Variants in RBFOX1 observed in about 807,000 individuals in gnomAD.
RBFOX1 encodes the protein RNA binding fox-1 homolog 1.
In RBFOX1, 8 loss-of-function variants were observed where a neutral mutation model predicts 57.7. The observed-to-expected ratio is 0.14, with a 90% CI of 0.08 to 0.25. The LOEUF is 0.25. Among genes scored for constraint, RBFOX1 ranks in the 10% least tolerant of loss-of-function variants. The pLI is 1.00. For missense variants in RBFOX1, 611 were observed against 548.5 expected, an observed-to-expected ratio of 1.11 and a Z score of -1.14; for synonymous variants, 326 against 222.4, an observed-to-expected ratio of 1.47 and a Z score of -4.15.
intron 1 of RBFOX1, among the ~76,000 whole-genome samples, chr16:6,102,023 A>T (rs1383755358): frequency 1.3e-5 from 2 of 151,160 alleles, no homozygotes; most frequent in African/African-American, 2.4e-5. Flanking sequence ...AATAATTAAA[A>T]CCCAAAATGG....
intron 2 of RBFOX1, among the ~76,000 whole-genome samples, chr16:5,548,530 G>C (rs1016621347): frequency 2.6e-5 from 4 of 151,942 alleles, no homozygotes; most frequent in Admixed American, 6.6e-5. Context: ...GTAACTCAGA[G>C]GATAAATGCT....
chr16:6,876,414 G>A (rs1937034153), intron 3 of RBFOX1, among the ~76,000 whole-genome samples: 1 of 108,984 alleles, frequency 9.2e-6, no homozygotes, highest in Non-Finnish European at 1.8e-5. Context: ...AAGTAAATTA[G>A]CTGAAACAAA....
chr16:7,162,718 G>C (rs116837624), intron 4 of RBFOX1, among the ~76,000 whole-genome samples: 1,944 of 152,196 alleles, frequency 0.013, 47 homozygotes, highest in African/African-American at 0.045. Flanking sequence ...AACAGAGTGA[G>C]ACCGTAGCTC....
At chr16:5,539,631 A>T (rs192668179) in intron 2 of RBFOX1, among the ~76,000 whole-genome samples, 1 of 151,464 alleles carries the variant, frequency 6.6e-6, no homozygotes, top group African/African-American at 2.4e-5. Context: ...AAACAAAATG[A>T]CAACAACAAC....
At chr16:6,630,946 G>T (rs1253108985) in intron 2 of RBFOX1, among the ~76,000 whole-genome samples, 1 of 152,066 alleles carries the variant, frequency 6.6e-6, no homozygotes, top group Admixed American at 6.6e-5. Context: ...ATGTTTTAAA[G>T]TACCTTATTG....
At chr16:7,050,959 A>G (rs2049863149) in intron 3 of RBFOX1, among the ~76,000 whole-genome samples, 1 of 152,264 alleles carries the variant, frequency 6.6e-6, no homozygotes, top group Non-Finnish European at 1.5e-5. Context: ...TTAAGTAAAT[A>G]TTCTTCCTTT....
intron 1 of RBFOX1, among the ~76,000 whole-genome samples, chr16:5,250,347 C>G (rs1173947291): frequency 2.0e-5 from 3 of 152,052 alleles, no homozygotes; most frequent in Non-Finnish European, 4.4e-5. Flanking sequence ...TGGTGGTTTA[C>G]TGCACCTATC....
At chr16:6,531,590 T>G (rs930174331) in intron 2 of RBFOX1, among the ~76,000 whole-genome samples, 12 of 152,196 alleles carry the variant, frequency 7.9e-5, no homozygotes, top group Non-Finnish European at 1.6e-4. Context: ...ACCTAGGGTT[T>G]CAATAAAAGT....
At chr16:7,151,452 C>T (rs1408036032) in intron 4 of RBFOX1, among the ~76,000 whole-genome samples, 1 of 152,094 alleles carries the variant, frequency 6.6e-6, no homozygotes, top group Non-Finnish European at 1.5e-5. Context: ...TGTTCGTCAT[C>T]CTTCAACTCC....
intron 3 of RBFOX1, among the ~76,000 whole-genome samples, chr16:5,858,652 CAGTG>C (rs1353812608): frequency 6.6e-6 from 1 of 152,198 alleles, no homozygotes; most frequent in Non-Finnish European, 1.5e-5. Flanking sequence ...TCATTCCTGA[CAGTG>C]AGAGTTATTA....
chr16:5,598,122 C>G (rs1044355173), intron 2 of RBFOX1, among the ~76,000 whole-genome samples: 6 of 151,936 alleles, frequency 3.9e-5, no homozygotes, highest in Middle Eastern at 3.2e-3. Context: ...CATGGCGATT[C>G]CCTGTATCTA....
chr16:5,321,182 C>T (rs1003634778), intron 1 of RBFOX1, among the ~76,000 whole-genome samples: 17 of 152,144 alleles, frequency 1.1e-4, no homozygotes, highest in African/African-American at 4.1e-4. Context: ...GCATCTCTGG[C>T]CTCTCCCCAC....
chr16:6,342,994 C>G lies in RBFOX1; in HGVS notation c.-64+25937C>G, dbSNP rs77892189. 3.7e-3 allele frequency among the ~76,000 whole-genome samples: 562 copies of G among 152,118 alleles called. 7 individuals are homozygous for G. Among genetic ancestry groups the G allele is most frequent in the Non-Finnish European group, 3.7e-3 (254 of 67,994 alleles). ...AGTTTGTCTCCTCCCTTTAGGAGAC[C>G]ATGGTTTTTGATACGAAACTCCATC... On this transcript the variant is annotated intron_variant, in intron 2 of 15. Coordinates refer to ENST00000550418, the MANE Select transcript of RBFOX1 (RefSeq NM_018723.4).
intron 4 of RBFOX1, among the ~76,000 whole-genome samples, chr16:7,428,467 C>G (rs185256338): frequency 4.1e-5 from 6 of 147,594 alleles, no homozygotes; most frequent in African/African-American, 1.2e-4. Context: ...GCTGGGATTA[C>G]AGGCATCCAC....
At chr16:7,336,736 G>A (rs1008789263) in intron 4 of RBFOX1, among the ~76,000 whole-genome samples, 6 of 152,126 alleles carry the variant, frequency 3.9e-5, no homozygotes, top group East Asian at 1.9e-4. Context: ...TATAATAAAC[G>A]TAATGCAATT....
intron 3 of RBFOX1, among the ~76,000 whole-genome samples, chr16:5,690,646 A>C (rs777316685): frequency 2.0e-5 from 3 of 152,192 alleles, no homozygotes; most frequent in Non-Finnish European, 2.9e-5. Flanking sequence ...CTGAATTCCA[A>C]AATCTTAACG....
chr16:6,454,995 G>C, intron 2 of RBFOX1, among the ~76,000 whole-genome samples: 1 of 148,034 alleles, frequency 6.8e-6, no homozygotes, highest in South Asian at 2.1e-4. Context: ...CCATTCTCCT[G>C]CCTCAGCCTC....
At chr16:6,232,159 G>A (rs965579469) in intron 1 of RBFOX1, among the ~76,000 whole-genome samples, 1 of 152,174 alleles carries the variant, frequency 6.6e-6, no homozygotes, top group African/African-American at 2.4e-5. Context: ...TGCAAGGGCA[G>A]CAGCATAATT....
At chr16:6,205,770 T>G (rs1468915128) in intron 1 of RBFOX1, among the ~76,000 whole-genome samples, 2 of 151,188 alleles carry the variant, frequency 1.3e-5, no homozygotes, top group African/African-American at 2.4e-5. Context: ...ACTTTTTTTC[T>G]GCTCAACTGG....
Sources: gnomAD v4.1 joint callset for allele counts (sites outside exome capture counted in the v4.1 genomes callset) on GRCh38, gnomAD v4.1.1 for gene constraint, MANE v1.5 for transcripts, NCBI Gene and HGNC (gene_info 2026-07-23, HGNC 2026-07-21) for gene names.